Variants in BMPR1B observed in about 807,000 individuals in gnomAD.
The protein encoded by BMPR1B is bone morphogenetic protein receptor type-1B.
Under a neutral mutation model 59.1 loss-of-function variants are expected in BMPR1B, and 12 were observed. That is an observed-to-expected ratio of 0.20 (90% CI 0.13 to 0.33). The LOEUF (loss-of-function observed/expected upper bound fraction) is 0.33, where lower values mean the gene tolerates loss of function less well. Ranked by LOEUF, BMPR1B falls within the 10% of genes least tolerant of loss-of-function variation. BMPR1B has a pLI of 1.00. For missense variants in BMPR1B, 550 were observed against 610.9 expected (o/e 0.90, Z 1.05); for synonymous variants, 237 against 207.3 (o/e 1.14, Z -1.23).
intron 1 of BMPR1B, among the ~76,000 whole-genome samples, chr4:94,793,835 C>T (rs1723076919): frequency 6.6e-6 from 1 of 150,566 alleles, no homozygotes. Context: ...AGTGTCTGTT[C>T]ATGTCCTTTG....
At chr4:95,081,984 C>T (rs1429755390) in intron 3 of BMPR1B, among the ~76,000 whole-genome samples, 1 of 151,640 alleles carries the variant, frequency 6.6e-6, no homozygotes, top group Non-Finnish European at 1.5e-5. Context: ...ATGAATTATA[C>T]TTTTTTATTA....
rs574950713 is a variant in BMPR1B, at chr4:95,043,144, C to T, written c.-18+47010C>T. ...GAGCCGAGATTGCGCCACTGCAGTC[C>T]GCAGTCCGGCCTGGGCGACAGAGCG... On this transcript the variant is annotated intron_variant, in intron 3 of 12. Transcript: ENST00000515059. 4.1e-3 allele frequency among the ~76,000 whole-genome samples: 540 copies of T among 130,134 alleles called. 2 individuals are homozygous for T. Among genetic ancestry groups the T allele is most frequent in the Non-Finnish European group, 7.0e-3 (447 of 64,052 alleles). The allele number at this position is 130,134 out of a possible 152,430, so 85.4% of individuals were successfully genotyped here. A position where few individuals can be genotyped will look rare whatever the true frequency, so the allele number is the denominator to read the frequency against.
intron 1 of BMPR1B, among the ~76,000 whole-genome samples, chr4:94,788,184 T>C (rs1271431639): frequency 2.0e-5 from 3 of 152,142 alleles, no homozygotes; most frequent in African/African-American, 7.2e-5. Flanking sequence ...AGGAACACTT[T>C]AGCCACAGGA....
intron 3 of BMPR1B, among the ~76,000 whole-genome samples, chr4:95,050,477 A>G (rs1726418283): frequency 6.6e-6 from 1 of 152,076 alleles, no homozygotes; most frequent in South Asian, 2.1e-4. Context: ...TCAAAACAAA[A>G]AAAACATTGT....
At chr4:94,905,974 A>G (rs1728024098) in intron 2 of BMPR1B, among the ~76,000 whole-genome samples, 1 of 151,342 alleles carries the variant, frequency 6.6e-6, no homozygotes, top group Non-Finnish European at 1.5e-5. Context: ...ATCAAGCTAC[A>G]AAGGAGTAAT....
rs139482793 is a variant in BMPR1B at position 94,820,162 on chromosome 4, A to G, written c.-182-55669A>G. Among the ~76,000 whole-genome samples the G allele has an allele frequency of 5.9e-5, 9 of 152,286 alleles. No homozygotes were observed. In the East Asian group the frequency reaches 1.7e-3, roughly 29 times the overall value. Reference sequence around the variant, plus strand: ...AGTGAGGCCCATCAAGACCCCCATTATGTACCTGTGGAAGGGAAGAGAGAA... The same window carrying G: ...AGTGAGGCCCATCAAGACCCCCATTGTGTACCTGTGGAAGGGAAGAGAGAA... On this transcript the variant is annotated intron_variant, in intron 1 of 12. Transcript: ENST00000515059.
At chr4:95,120,574 A>G (rs542694007) in intron 6 of BMPR1B, among the ~76,000 whole-genome samples, 1 of 147,718 alleles carries the variant, frequency 6.8e-6, no homozygotes, top group African/African-American at 2.5e-5. Context: ...TTAAGGATAC[A>G]GAATGAATAT....
In BMPR1B at chr4:95,026,080, G is replaced by A. The variant is rs7666742; in HGVS notation, c.-18+29946G>A. On this transcript the variant is annotated intron_variant, in intron 3 of 12. Coordinates refer to ENST00000515059, the MANE Select transcript of BMPR1B (RefSeq NM_001203.3). ...CATTTTATACCACCATGCTTGGCTG[G>A]CTGGATTGCTTTCTTTCATTTCTTT... Among the ~76,000 whole-genome samples the A allele has an allele frequency of 6.3e-3, 608 of 96,272 alleles. 3 individuals carry two copies. Among genetic ancestry groups the A allele is most frequent in the African/African-American group, 0.019 (564 of 30,424 alleles). The allele number at this position is 96,272 out of a possible 152,430, so 63.2% of individuals were successfully genotyped here. A position where few individuals can be genotyped will look rare whatever the true frequency, so the allele number is the denominator to read the frequency against.
At chr4:94,783,536 G>T (rs1722658398) in intron 1 of BMPR1B, among the ~76,000 whole-genome samples, 1 of 152,068 alleles carries the variant, frequency 6.6e-6, no homozygotes. Context: ...TCTTCCTCTG[G>T]GCAAAATCTC....
intron 2 of BMPR1B, among the ~76,000 whole-genome samples, chr4:94,892,461 G>A (rs954910971): frequency 6.6e-6 from 1 of 152,022 alleles, no homozygotes; most frequent in African/African-American, 2.4e-5. Context: ...GCTGTTGTTT[G>A]TTCATATATA....
rs113884817 is a variant in BMPR1B, at chr4:95,073,229, T to G, written c.-17-31179T>G. 7.7e-3 allele frequency among the ~76,000 whole-genome samples: 1,177 copies of G among 152,266 alleles called. 17 individuals are homozygous for G. Among genetic ancestry groups the G allele is most frequent in the African/African-American group, 0.026 (1,099 of 41,560 alleles). ...GTTCTTAGTAAGTTAATATTTGACTTGCCAAGCCATTTGGGAACACGGAAT... is the reference window on the plus strand; with the variant it reads ...GTTCTTAGTAAGTTAATATTTGACTGGCCAAGCCATTTGGGAACACGGAAT... On this transcript the variant is annotated intron_variant, in intron 3 of 12. Transcript: ENST00000515059.
chr4:94,900,175 G>A (rs1418944906), intron 2 of BMPR1B, among the ~76,000 whole-genome samples: 1 of 151,344 alleles, frequency 6.6e-6, no homozygotes, highest in Non-Finnish European at 1.5e-5. Context: ...TCCATGCTGA[G>A]TGCATGCACA....
rs1578641698 is a variant in BMPR1B at position 94,786,663 on chromosome 4, A to G, written c.-183+28595A>G. Among the ~76,000 whole-genome samples the G allele has an allele frequency of 3.3e-5, 5 of 151,812 alleles. No homozygotes were observed. The South Asian group carries it at 8.3e-4, about 25-fold the overall frequency. ...ACACCATTCTCCTGCCTCAGCCTCC[A>G]AAGTAGCTGGGACTACAGGCACCCA... On this transcript the variant is annotated intron_variant, in intron 1 of 12. Transcript: ENST00000515059.
At chr4:95,005,104 G>T (rs1172990894) in intron 3 of BMPR1B, among the ~76,000 whole-genome samples, 3 of 152,004 alleles carry the variant, frequency 2.0e-5, no homozygotes, top group Non-Finnish European at 4.4e-5. Flanking sequence ...TCTTAACTTG[G>T]GGAGCTGGTT....
intron 3 of BMPR1B, among the ~76,000 whole-genome samples, chr4:95,069,257 T>G (rs1728091580): frequency 1.3e-5 from 2 of 152,208 alleles, no homozygotes; most frequent in Non-Finnish European, 2.9e-5. Flanking sequence ...GGCTCTCTGC[T>G]TTGGTTTTTG....
At chr4:94,874,475 T>C (rs1315118930) in intron 1 of BMPR1B, among the ~76,000 whole-genome samples, 1 of 152,142 alleles carries the variant, frequency 6.6e-6, no homozygotes, top group African/African-American at 2.4e-5. Flanking sequence ...TTGGAAAATA[T>C]GGAAATCATG....
intron 8 of BMPR1B, among the ~76,000 whole-genome samples, chr4:95,127,814 A>C (rs1233602971): frequency 4.6e-5 from 7 of 151,890 alleles, no homozygotes. Context: ...ATAAATTACG[A>C]AATTTATAAT....
intron 1 of BMPR1B, among the ~76,000 whole-genome samples, chr4:94,845,989 G>A (rs542460859): frequency 2.6e-5 from 4 of 152,168 alleles, no homozygotes; most frequent in East Asian, 1.9e-4. Context: ...AATTTCAGTG[G>A]AACAGAATAG....
chr4:94,897,042 G>A (rs1184739562), intron 2 of BMPR1B, among the ~76,000 whole-genome samples: 1 of 151,972 alleles, frequency 6.6e-6, no homozygotes, highest in Non-Finnish European at 1.5e-5. Flanking sequence ...TTCCTCACAG[G>A]CTTTGCATAT....
Sources: allele counts gnomAD v4.1 joint callset (sites outside exome capture counted in the v4.1 genomes callset), GRCh38; gene constraint gnomAD v4.1.1; transcripts MANE v1.5; gene names NCBI Gene and HGNC (gene_info 2026-07-23, HGNC 2026-07-21).